CCDC158: variants seen among roughly 807,000 people sequenced by gnomAD.
CCDC158 encodes the protein coiled-coil domain containing 158, also known as coiled-coil domain-containing protein 158.
A neutral mutation model predicts 138.6 loss-of-function variants in CCDC158; 116 were observed. The ratio of observed to expected loss-of-function variants is 0.84; its 90% CI spans 0.72 to 0.98. The LOEUF (loss-of-function observed/expected upper bound fraction) is 0.98, where lower values mean the gene tolerates loss of function less well. Among genes scored for constraint, CCDC158 ranks in the 50% least tolerant of loss-of-function variants. The probability of loss-of-function intolerance (pLI) is 0.00; values close to 1 mark genes in which losing one functional copy is unlikely to be tolerated. For missense variants in CCDC158, 1,265 were observed against 1,306.1 expected (o/e 0.97, Z 0.48); for synonymous variants, 436 against 442.4 (o/e 0.99, Z 0.18).
intron 24 of CCDC158, among the ~76,000 whole-genome samples, chr4:76,320,738 A>G (rs1455281609): frequency 6.6e-6 from 1 of 152,098 alleles, no homozygotes; most frequent in African/African-American, 2.4e-5. Context: ...GGCAAGTGGC[A>G]TGTAGAAGAA....
chr4:76,416,699 C>A (rs1729727818), intron 1 of CCDC158, among the ~76,000 whole-genome samples: 1 of 152,230 alleles, frequency 6.6e-6, no homozygotes, highest in Admixed American at 6.5e-5. Context: ...AACTCCAAGC[C>A]TTGGCAGCTT....
At chr4:76,383,527 A>G in intron 7 of CCDC158, 135 bp downstream of exon 7, 1 of 629,280 alleles carries the variant, frequency 1.6e-6, no homozygotes, top group Non-Finnish European at 2.8e-6. Flanking sequence ...ACAAAATGTT[A>G]ACATGAGTTT....
chr4:76,328,899 C>T lies in CCDC158; in HGVS notation c.3010+1G>A, dbSNP rs774097430. On this transcript the variant is annotated splice_donor_variant, in intron 22 of 24. Coordinates refer to ENST00000682701, the MANE Select transcript of CCDC158 (RefSeq NM_001394954.1). LOFTEE classifies it high-confidence loss of function. Reference sequence around the variant, plus strand: ...TTTCTGTGCTTTCATTGGAAACTCACCTGCAGATGTGAATGTGAAGCAACC... The same window carrying T: ...TTTCTGTGCTTTCATTGGAAACTCATCTGCAGATGTGAATGTGAAGCAACC... 2 of 1,613,290 alleles carry T rather than the reference C, an allele frequency of 1.2e-6. No homozygotes were observed. The highest frequency in any genetic ancestry group is 1.7e-6 in the Non-Finnish European group (2 of 1,179,298).
intron 8 of CCDC158, among the ~76,000 whole-genome samples, chr4:76,381,440 C>T (rs1726234437): frequency 6.6e-6 from 1 of 152,218 alleles, no homozygotes; most frequent in African/African-American, 2.4e-5. Context: ...GACTGCACAG[C>T]TGGATTTTGG....
intron 18 of CCDC158, among the ~76,000 whole-genome samples, chr4:76,338,451 G>A (rs753681657): frequency 1.3e-5 from 2 of 152,212 alleles, no homozygotes; most frequent in Non-Finnish European, 1.5e-5. Context: ...GGCAGAGGTT[G>A]TGGTGGGCCA....
chr4:76,388,433 C>T (rs1174696764), intron 4 of CCDC158, among the ~76,000 whole-genome samples: 1 of 152,130 alleles, frequency 6.6e-6, no homozygotes, highest in Non-Finnish European at 1.5e-5. Flanking sequence ...TTTAAGTGAA[C>T]ATCAGTGGTG....
At chr4:76,374,735 A>G (rs1338476901) in intron 9 of CCDC158, among the ~76,000 whole-genome samples, 1 of 152,192 alleles carries the variant, frequency 6.6e-6, no homozygotes, top group Non-Finnish European at 1.5e-5. Flanking sequence ...TCTATCCTTG[A>G]GCAAAGAAAA....
intron 13 of CCDC158, among the ~76,000 whole-genome samples, chr4:76,361,366 TC>T (rs1724118960): frequency 6.6e-6 from 1 of 152,064 alleles, no homozygotes; most frequent in Non-Finnish European, 1.5e-5. Context: ...ATCGAGACCA[TC>T]CTGGCTAACA....
chr4:76,366,494 A>G (rs534320609), intron 12 of CCDC158, among the ~76,000 whole-genome samples: 44 of 152,188 alleles, frequency 2.9e-4, no homozygotes, highest in Non-Finnish European at 5.0e-4. Context: ...TTAAATTTTG[A>G]TAAGTATTTA....
At chr4:76,411,600 T>TA (rs553210527) in intron 2 of CCDC158, among the ~76,000 whole-genome samples, 34 of 152,178 alleles carry the variant, frequency 2.2e-4, no homozygotes, top group Non-Finnish European at 4.1e-4. Flanking sequence ...TTAAGCTACT[T>TA]ACGATCGCAT....
At chr4:76,381,153 C>T (rs1351952669) in intron 8 of CCDC158, among the ~76,000 whole-genome samples, 1 of 152,232 alleles carries the variant, frequency 6.6e-6, no homozygotes, top group Non-Finnish European at 1.5e-5. Context: ...GGAACCCCCA[C>T]ACAGAGTCCC....
At chr4:76,413,810 C>T (rs1729484450) in intron 1 of CCDC158, among the ~76,000 whole-genome samples, 1 of 152,234 alleles carries the variant, frequency 6.6e-6, no homozygotes, top group African/African-American at 2.4e-5. Context: ...ATGATGACTT[C>T]TCACAGATGA....
intron 18 of CCDC158, among the ~76,000 whole-genome samples, chr4:76,343,094 G>T: frequency 6.6e-6 from 1 of 152,176 alleles, no homozygotes; most frequent in Non-Finnish European, 1.5e-5. Context: ...TATAGCAGGA[G>T]TAAGGTTGCA....
intron 16 of CCDC158, chr4:76,352,068 A>G (rs1422369338): frequency 1.6e-5 from 5 of 313,534 alleles, no homozygotes; most frequent in Admixed American, 1.5e-4. Flanking sequence ...CTAAGGATGG[A>G]ATGAGCAAAC....
intron 2 of CCDC158, among the ~76,000 whole-genome samples, chr4:76,411,490 A>C (rs946174900): frequency 6.6e-6 from 1 of 152,222 alleles, no homozygotes; most frequent in African/African-American, 2.4e-5. Flanking sequence ...TTTTCCCATA[A>C]TAAAGAGCAA....
At chr4:76,390,081 G>T (rs558193149) in intron 4 of CCDC158, among the ~76,000 whole-genome samples, 14 of 152,132 alleles carry the variant, frequency 9.2e-5, no homozygotes, top group Admixed American at 4.6e-4. Context: ...CTGTAATTGT[G>T]GTGTGTAAAC....
rs559310939 is a variant in CCDC158 at position 76,394,984 on chromosome 4, T to G, written c.288+1285A>C. On this transcript the variant is annotated intron_variant, in intron 4 of 24. Coordinates refer to ENST00000682701, the MANE Select transcript of CCDC158 (RefSeq NM_001394954.1). Reference sequence around the variant, plus strand: ...GATATGTTTTTTTCTAATAAGGATATGTAAAGGCAAATAGTGTAAGGAAAA... The same window carrying G: ...GATATGTTTTTTTCTAATAAGGATAGGTAAAGGCAAATAGTGTAAGGAAAA... 1.4e-4 allele frequency among the ~76,000 whole-genome samples: 21 copies of G among 152,002 alleles called. No individual in the cohort carries two copies. In the South Asian group the frequency reaches 4.4e-3, roughly 32 times the overall value.
intron 1 of CCDC158, among the ~76,000 whole-genome samples, chr4:76,419,670 TTC>T (rs998062448): frequency 6.6e-6 from 1 of 151,716 alleles, no homozygotes; most frequent in Non-Finnish European, 1.5e-5. Context: ...TCAAATCTGC[TTC>T]TCTCTCTCTC....
At chr4:76,326,481 T>A (rs1010526286) in intron 22 of CCDC158, among the ~76,000 whole-genome samples, 1 of 152,138 alleles carries the variant, frequency 6.6e-6, no homozygotes, top group African/African-American at 2.4e-5. Context: ...AGGGTCCAGA[T>A]AATGGGCTTA....
Sources: allele counts gnomAD v4.1 joint callset (sites outside exome capture counted in the v4.1 genomes callset), GRCh38; gene constraint gnomAD v4.1.1; transcripts MANE v1.5; gene names NCBI Gene and HGNC (gene_info 2026-07-23, HGNC 2026-07-21).